The following RBFOX1 variants were observed in gnomAD, a reference collection of about 807,000 sequenced individuals.
The protein encoded by RBFOX1 is RNA binding protein fox-1 homolog 1.
A neutral mutation model predicts 57.7 loss-of-function variants in RBFOX1; 8 were observed. The ratio of observed to expected loss-of-function variants is 0.14; its 90% CI spans 0.08 to 0.25. RBFOX1 has a LOEUF of 0.25. Among genes scored for constraint, RBFOX1 ranks in the 10% least tolerant of loss-of-function variants. The pLI, the probability that RBFOX1 is intolerant of heterozygous loss-of-function variation, is 1.00. For synonymous variants in RBFOX1, 326 were observed against 222.4 expected, an observed-to-expected ratio of 1.47 and a Z score of -4.15; for missense variants, 611 against 548.5, an observed-to-expected ratio of 1.11 and a Z score of -1.14.
intron 1 of RBFOX1, among the ~76,000 whole-genome samples, chr16:6,120,017 G>A (rs9646294): frequency 0.39 from 59,873 of 151,894 alleles, 12,287 homozygotes; most frequent in Non-Finnish European, 0.45. Flanking sequence ...TGGATATTTT[G>A]TGTAAACAGA....
chr16:7,038,714 A>T (rs1212237885), intron 3 of RBFOX1, among the ~76,000 whole-genome samples: 1 of 152,054 alleles, frequency 6.6e-6, no homozygotes, highest in East Asian at 1.9e-4. Flanking sequence ...GCCGAAGGGG[A>T]TATTGGCCAC....
chr16:6,115,783 C>G (rs2096490760), intron 1 of RBFOX1, among the ~76,000 whole-genome samples: 1 of 152,140 alleles, frequency 6.6e-6, no homozygotes, highest in Non-Finnish European at 1.5e-5. Flanking sequence ...ATTCCCCAAT[C>G]CCTGGTCTAC....
intron 4 of RBFOX1, among the ~76,000 whole-genome samples, chr16:7,097,268 A>G (rs1175156584): frequency 6.6e-6 from 1 of 152,100 alleles, no homozygotes; most frequent in Admixed American, 6.5e-5. Flanking sequence ...GCCATTGTGT[A>G]CGTGGAAATT....
At chr16:5,505,934 C>G (rs1479822462) in intron 2 of RBFOX1, among the ~76,000 whole-genome samples, 1 of 152,154 alleles carries the variant, frequency 6.6e-6, no homozygotes, top group African/African-American at 2.4e-5. Flanking sequence ...CAAAATCTCT[C>G]TGCTATAGAC....
chr16:7,497,663 G>C (rs1380108580), intron 4 of RBFOX1, among the ~76,000 whole-genome samples: 1 of 152,202 alleles, frequency 6.6e-6, no homozygotes, highest in Non-Finnish European at 1.5e-5. Context: ...TCTAAACATA[G>C]TCAAAAACTA....
At chr16:6,821,027 T>G (rs994021740) in intron 3 of RBFOX1, among the ~76,000 whole-genome samples, 3 of 152,242 alleles carry the variant, frequency 2.0e-5, no homozygotes, top group Non-Finnish European at 4.4e-5. Context: ...CACTTAATTC[T>G]TAACCCTACA....
chr16:6,956,427 A>C (rs7499744), intron 3 of RBFOX1, among the ~76,000 whole-genome samples: 36,204 of 152,164 alleles, frequency 0.24, 4,681 homozygotes, highest in African/African-American at 0.32. Flanking sequence ...TGAATACTTG[A>C]ATTTGTCAAG....
chr16:7,476,636 C>T (rs1599415307), intron 4 of RBFOX1, among the ~76,000 whole-genome samples: 1 of 152,128 alleles, frequency 6.6e-6, no homozygotes, highest in Admixed American at 6.5e-5. Flanking sequence ...ATAAGGATGC[C>T]TGGAAATTTC....
At chr16:7,406,360 AG>A (rs2098340195) in intron 4 of RBFOX1, among the ~76,000 whole-genome samples, 1 of 152,188 alleles carries the variant, frequency 6.6e-6, no homozygotes, top group Non-Finnish European at 1.5e-5. Flanking sequence ...GAGTAAACCG[AG>A]GCCCAGAGCT....
intron 3 of RBFOX1, among the ~76,000 whole-genome samples, chr16:6,841,356 G>T (rs2093451645): frequency 6.6e-6 from 1 of 152,086 alleles, no homozygotes; most frequent in African/African-American, 2.4e-5. Context: ...ATGTTAGACA[G>T]GAATAAAGTT....
chr16:6,559,796 G>C (rs2097155760), intron 2 of RBFOX1, among the ~76,000 whole-genome samples: 1 of 151,932 alleles, frequency 6.6e-6, no homozygotes, highest in South Asian at 2.1e-4. Context: ...CCTGCATTTG[G>C]AACTTGTTGG....
intron 2 of RBFOX1, among the ~76,000 whole-genome samples, chr16:5,507,044 C>T (rs932575552): frequency 6.6e-6 from 1 of 152,090 alleles, no homozygotes; most frequent in Non-Finnish European, 1.5e-5. Flanking sequence ...GCTTGGCTGC[C>T]TGGGTTCAGA....
At chr16:6,903,143 C>T (rs139711126) in intron 3 of RBFOX1, among the ~76,000 whole-genome samples, 2 of 152,252 alleles carry the variant, frequency 1.3e-5, no homozygotes, top group Non-Finnish European at 2.9e-5. Flanking sequence ...AGTGACTTCA[C>T]TTGTTGAAGA....
intron 2 of RBFOX1, among the ~76,000 whole-genome samples, chr16:6,496,131 G>A (rs772258338): frequency 1.3e-5 from 2 of 151,848 alleles, no homozygotes; most frequent in Non-Finnish European, 2.9e-5. Flanking sequence ...AAACGGTCAG[G>A]GGAATTTGGA....
chr16:6,664,134 C>G (rs1315820018), intron 3 of RBFOX1, among the ~76,000 whole-genome samples: 11 of 152,180 alleles, frequency 7.2e-5, no homozygotes, highest in Non-Finnish European at 1.5e-4. Flanking sequence ...ACCTTTCAGA[C>G]TTCTGTCAGT....
intron 4 of RBFOX1, among the ~76,000 whole-genome samples, chr16:7,441,989 G>C (rs7189334): frequency 0.6 from 91,656 of 152,108 alleles, 27,942 homozygotes; most frequent in East Asian, 0.77. Context: ...GAAGATTTCA[G>C]TAGCTCTTTG....
intron 1 of RBFOX1, among the ~76,000 whole-genome samples, chr16:6,167,247 C>T (rs2096924807): frequency 6.6e-6 from 1 of 152,206 alleles, no homozygotes; most frequent in African/African-American, 2.4e-5. Flanking sequence ...TGCAAGTTTG[C>T]CGAAGTTGCT....
At chr16:7,533,499 A>G (rs1045348131) in intron 5 of RBFOX1, among the ~76,000 whole-genome samples, 2 of 152,222 alleles carry the variant, frequency 1.3e-5, no homozygotes, top group Non-Finnish European at 2.9e-5. Flanking sequence ...CAATAAATCC[A>G]TCACAAGTTG....
At chr16:6,983,095 A>G (rs1204441363) in intron 3 of RBFOX1, among the ~76,000 whole-genome samples, 3 of 151,728 alleles carry the variant, frequency 2.0e-5, no homozygotes, top group Non-Finnish European at 4.4e-5. Flanking sequence ...CCATGCTGAG[A>G]CATGAGTTAC....
Sources: gnomAD v4.1 joint callset for allele counts (sites outside exome capture counted in the v4.1 genomes callset) on GRCh38, gnomAD v4.1.1 for gene constraint, MANE v1.5 for transcripts, NCBI Gene and HGNC (gene_info 2026-07-23, HGNC 2026-07-21) for gene names.